Variants in PCDHGA4 observed in about 807,000 individuals in gnomAD.
PCDHGA4 encodes the protein protocadherin gamma-A4.
PCDHGA4 carries 38 observed loss-of-function variants against 54.6 expected under a neutral mutation model. That is an observed-to-expected ratio of 0.70 (90% confidence interval 0.54 to 0.91). The LOEUF (loss-of-function observed/expected upper bound fraction) is 0.91, where lower values mean the gene tolerates loss of function less well. PCDHGA4 is among the 40% of genes least tolerant of loss of function. The pLI, the probability that PCDHGA4 is intolerant of heterozygous loss-of-function variation, is 0.00. For synonymous variants in PCDHGA4, 511 were observed against 512.9 expected (o/e 1.00, Z 0.05); for missense variants, 1,298 against 1,220.9 (o/e 1.06, Z -0.94).
chr5:141,393,249 G>C, intron 1 of PCDHGA4: 7 of 1,613,786 alleles, frequency 4.3e-6, no homozygotes, highest in Non-Finnish European at 5.9e-6. Context: ...TAACGAAATC[G>C]CGGTTCCTGG....
intron 1 of PCDHGA4, among the ~76,000 whole-genome samples, chr5:141,471,120 C>T (rs560582806): frequency 6.7e-6 from 1 of 149,470 alleles, no homozygotes; most frequent in South Asian, 2.1e-4. Context: ...GCGATCTTAC[C>T]TTCACTGCAA....
At chr5:141,507,121 G>A (rs940889204) in intron 3 of PCDHGA4, 1 of 152,126 alleles carries the variant, frequency 6.6e-6, no homozygotes, top group African/African-American at 2.4e-5. Flanking sequence ...GGCTGCCTTT[G>A]GATCCAGCCT....
chr5:141,417,940 C>A, intron 1 of PCDHGA4: 2 of 1,613,054 alleles, frequency 1.2e-6, no homozygotes, highest in Non-Finnish European at 1.7e-6. Flanking sequence ...TGTTCTACCC[C>A]ACGCTGTGTG....
intron 3 of PCDHGA4, among the ~76,000 whole-genome samples, chr5:141,510,092 T>C (rs973542449): frequency 6.6e-6 from 1 of 152,138 alleles, no homozygotes; most frequent in South Asian, 2.1e-4. Flanking sequence ...TGGCACACAG[T>C]AGGTGCTCAA....
At position 141,490,108 on chromosome 5, in the gene PCDHGA4, C is replaced by T. The variant is rs566655929; in HGVS notation, c.2515-4699C>T. 1.4e-5 allele frequency: 22 copies of T among 1,614,244 alleles called. No individual in the cohort carries two copies. Among genetic ancestry groups the T allele is most frequent in the South Asian group, 5.5e-5 (5 of 91,090 alleles). The stretch of plus-strand genomic sequence containing the variant: ...TGGAGACCACACATCTGAGGCAGTG[C>T]GGAACCTCTTTGGCCTAGACCCTAG... On this transcript the variant is annotated intron_variant, in intron 1 of 3. Coordinates refer to ENST00000571252, the MANE Select transcript of PCDHGA4 (RefSeq NM_018917.4). This position sits in a 1 kb window ranked among gnomAD's most constrained non-coding sequence, Gnocchi z 5.4.
At chr5:141,420,240 C>G (rs752339982) in intron 1 of PCDHGA4, 3 of 1,593,140 alleles carry the variant, frequency 1.9e-6, no homozygotes, top group Non-Finnish European at 2.6e-6. Context: ...ATTTTAACTC[C>G]CAGCGTTGAA....
At chr5:141,365,050 C>A (rs1763704245) in intron 1 of PCDHGA4, 1 of 1,613,882 alleles carries the variant, frequency 6.2e-7, no homozygotes, top group African/African-American at 1.3e-5. Flanking sequence ...ACAATGCGCC[C>A]CTGTTCACCC....
chr5:141,504,161 T>C (rs931754061), intron 2 of PCDHGA4, among the ~76,000 whole-genome samples: 1 of 152,196 alleles, frequency 6.6e-6, no homozygotes, highest in Non-Finnish European at 1.5e-5. Context: ...AATAATTTCA[T>C]CCTTGGAAAT....
At chr5:141,365,006 A>G in intron 1 of PCDHGA4, 1 of 1,613,882 alleles carries the variant, frequency 6.2e-7, no homozygotes, top group Non-Finnish European at 8.5e-7. Flanking sequence ...CTCCGGCACC[A>G]CGCACATCCG....
At position 141,485,044 on chromosome 5, in the gene PCDHGA4, G is replaced by A; in HGVS notation, c.2515-9763G>A. 2 of 737,674 alleles carry A rather than the reference G, an allele frequency of 2.7e-6. No individual in the cohort carries two copies. The highest frequency in any genetic ancestry group is 1.8e-5 in the African/African-American group (1 of 56,792). The allele number at this position is 737,674 out of a possible 1,614,324, so 45.7% of individuals were successfully genotyped here. A position where few individuals can be genotyped will look rare whatever the true frequency, so the allele number is the denominator to read the frequency against. ...GCAAAAACGGCGCGTAACCCTTGCG[G>A]CGCCGGCCGAACCGCGCCAGAGCTG... On this transcript the variant is annotated intron_variant, in intron 1 of 3. Coordinates refer to ENST00000571252, the MANE Select transcript of PCDHGA4 (RefSeq NM_018917.4). This position sits in a 1 kb window ranked among gnomAD's most constrained non-coding sequence, Gnocchi z 5.7.
intron 1 of PCDHGA4, chr5:141,399,531 G>A (rs771221717): frequency 1.2e-6 from 2 of 1,614,052 alleles, no homozygotes; most frequent in Non-Finnish European, 1.7e-6. Flanking sequence ...CCTCCATCGC[G>A]CAAGTCTGCG....
chr5:141,375,210 C>T, intron 1 of PCDHGA4: 1 of 1,614,008 alleles, frequency 6.2e-7, no homozygotes. Context: ...GATCGAGACT[C>T]TGGCCTGAAT....
At chr5:141,480,205 A>G (rs2099514310) in intron 1 of PCDHGA4, among the ~76,000 whole-genome samples, 1 of 151,108 alleles carries the variant, frequency 6.6e-6, no homozygotes, top group Admixed American at 6.6e-5. Flanking sequence ...GCAGTTCAAG[A>G]CCAGCCTGAG....
intron 1 of PCDHGA4, chr5:141,397,952 C>A: frequency 1.0e-6 from 1 of 959,530 alleles, no homozygotes; most frequent in Non-Finnish European, 1.5e-6. Context: ...CCAGGGCAGC[C>A]CCAGCTCAGA....
rs777133589 is a variant in PCDHGA4, at chr5:141,390,020, C to G, written c.2514+32399C>G. The stretch of plus-strand genomic sequence containing the variant: ...CCATGATTCTGGCCATTGCCTTGCG[C>G]CTGCGACGCTCCTCCAGCCCCGCCT... On this transcript the variant is annotated intron_variant, in intron 1 of 3. Transcript: ENST00000571252. 4 of 1,613,930 alleles carry G rather than the reference C, an allele frequency of 2.5e-6. No homozygotes were observed. The African/African-American group carries it at 5.3e-5, about 22-fold the overall frequency.
chr5:141,419,734 G>A, intron 1 of PCDHGA4: 2 of 1,613,792 alleles, frequency 1.2e-6, no homozygotes, highest in Non-Finnish European at 1.7e-6. Context: ...GAACAGGCGA[G>A]GTGCGCATGG....
intron 1 of PCDHGA4, among the ~76,000 whole-genome samples, chr5:141,462,223 G>A (rs563764515): frequency 2.0e-5 from 3 of 152,144 alleles, no homozygotes; most frequent in Admixed American, 2.0e-4. Flanking sequence ...GCCTCCCAAA[G>A]TGCAGGGATT....
At chr5:141,422,206 G>C (rs1269700250) in intron 1 of PCDHGA4, 2 of 1,562,442 alleles carry the variant, frequency 1.3e-6, no homozygotes, top group East Asian at 4.5e-5. Context: ...AGATGGTGGA[G>C]GTCTCTTTAC....
chr5:141,492,206 G>A (rs1180294159), intron 1 of PCDHGA4, among the ~76,000 whole-genome samples: 2 of 152,204 alleles, frequency 1.3e-5, no homozygotes, highest in Non-Finnish European at 2.9e-5. Context: ...TTAGGTGTGC[G>A]CGCGGGGCTC....
Sources: allele counts gnomAD v4.1 joint callset (sites outside exome capture counted in the v4.1 genomes callset), GRCh38; gene constraint gnomAD v4.1.1; non-coding constraint Gnocchi (gnomAD v3.1); transcripts MANE v1.5; gene names NCBI Gene and HGNC (gene_info 2026-07-23, HGNC 2026-07-21).